C16orf95: variants seen among roughly 807,000 people sequenced by gnomAD.
C16orf95 encodes the protein chromosome 16 open reading frame 95.
Under a neutral mutation model 32.1 loss-of-function variants are expected in C16orf95, and 41 were observed. The observed-to-expected ratio is 1.28, with a 90% CI of 1.00 to 1.66. The LOEUF (loss-of-function observed/expected upper bound fraction) is 1.66. C16orf95 is among the 40% of genes most tolerant of loss of function. The pLI is 0.00. For synonymous variants in C16orf95, 147 were observed against 128.9 expected, an observed-to-expected ratio of 1.14 and a Z score of -0.95; for missense variants, 399 against 325.9, an observed-to-expected ratio of 1.22 and a Z score of -1.73.
At position 87,311,282 on chromosome 16, in the gene C16orf95, A is replaced by C. The variant is rs1014707885; in HGVS notation, c.345T>G (p.Val115=). 3 of 1,534,242 alleles carry C rather than the reference A, an allele frequency of 2.0e-6. No individual in the cohort carries two copies. Among genetic ancestry groups the C allele is most frequent in the African/African-American group, 1.4e-5 (1 of 73,024 alleles). The change falls in exon 4 of 7, where the codon GTT becomes GTG. Residue 115 remains valine, a synonymous_variant. Coordinates refer to ENST00000567970, the MANE Select transcript of C16orf95 (RefSeq NM_001195124.3). ...LRPRKQSQKT[V]QFPIPQTAKM... ...TGGCGGTTTGGGGGATAGGAAATTG[A>C]ACCGTCTTTTGACTCTAACAGAGAG...
Position 87,305,989 on chromosome 16 carries a change from G to C in C16orf95, c.515-84C>G, listed in dbSNP as rs1451681720. ...CGAGGAGGCTGCAACACCAGCCCCA[G>C]AGCCTCCGGGAAATGGGGACTTCCA... On this transcript the variant is annotated intron_variant, in intron 5 of 6. Coordinates refer to ENST00000567970, the MANE Select transcript of C16orf95 (RefSeq NM_001195124.3). The surrounding 1 kb of genome is among the most constrained non-coding windows in gnomAD (Gnocchi z 4.2). 9.1e-7 allele frequency: 1 copy of C among 1,096,668 alleles called. No homozygotes were observed. Among genetic ancestry groups the C allele is most frequent in the African/African-American group, 1.7e-5 (1 of 60,350 alleles). The allele number at this position is 1,096,668 out of a possible 1,614,324, so 67.9% of individuals were successfully genotyped here. A position where few individuals can be genotyped will look rare whatever the true frequency, so the allele number is the denominator to read the frequency against.
chr16:87,311,027 C>T (rs1165433310), intron 4 of C16orf95, 123 bp downstream of exon 4: 1 of 963,740 alleles, frequency 1.0e-6, no homozygotes, highest in African/African-American at 1.6e-5. Context: ...CTCTGGACAC[C>T]AGCAGAGGCC....
Position 87,305,193 on chromosome 16 carries a change from T to G in C16orf95, c.701+526A>C, listed in dbSNP as rs2150646067. ...AGGTATCCCAGCAGAAAGCCATGGC[T>G]GTGGGCAGCAAGGGTGCCAGGGGCG... On this transcript the variant is annotated intron_variant, in intron 6 of 6. Transcript: ENST00000567970. This position sits in a 1 kb window ranked among gnomAD's most constrained non-coding sequence, Gnocchi z 4.2. 6.6e-6 allele frequency among the ~76,000 whole-genome samples: 1 copy of G among 152,214 alleles called. No homozygotes were observed. Among genetic ancestry groups the G allele is most frequent in the Non-Finnish European group, 1.5e-5 (1 of 68,010 alleles).
At chr16:87,304,868 C>T (rs544559589) in intron 6 of C16orf95, among the ~76,000 whole-genome samples, 46 of 152,258 alleles carry the variant, frequency 3.0e-4, no homozygotes, top group Non-Finnish European at 6.2e-4. Context: ...TACCTGCAGA[C>T]GCTGCACATT....
chr16:87,311,256 T>C lies in C16orf95; in HGVS notation c.371A>G (p.Lys124Arg). Reference sequence around the variant, plus strand: ...GCGGTGGCATAGGCAGGGGCACATCTTGGCGGTTTGGGGGATAGGAAATTG... The same window carrying C: ...GCGGTGGCATAGGCAGGGGCACATCCTGGCGGTTTGGGGGATAGGAAATTG... Reference protein sequence around the residue: ...TVQFPIPQTAKMCPCLCHRFG... With the variant: ...TVQFPIPQTARMCPCLCHRFG... Residue 124 changes from lysine (K) to arginine (R), a missense_variant, in exon 4 of 7, where the codon AAG (lysine) becomes AGG (arginine). Lys to Arg is a conservative substitution (Grantham distance 26). Transcript: ENST00000567970. 2 of 1,535,666 alleles carry C rather than the reference T, an allele frequency of 1.3e-6. No homozygotes were observed. Among genetic ancestry groups the C allele is most frequent in the Non-Finnish European group, 1.7e-6 (2 of 1,146,560 alleles).
chr16:87,303,221 G>A (rs1369127548), intron 6 of C16orf95, 146 bp from the exon 7 acceptor site: 4 of 792,436 alleles, frequency 5.0e-6, no homozygotes, highest in African/African-American at 3.4e-5. Flanking sequence ...GGCAGGGAAG[G>A]GGTGCAGGGA....
intron 5 of C16orf95, among the ~76,000 whole-genome samples, chr16:87,309,372 CTTTTTTT>C (rs10551847): frequency 7.4e-4 from 64 of 86,018 alleles, no homozygotes; most frequent in East Asian, 2.4e-3. Flanking sequence ...TCTTTCTTTT[CTTTTTTT>C]TTTTTTTTTT....
chr16:87,306,636 T>C lies in C16orf95; in HGVS notation c.515-731A>G, dbSNP rs186269429. ...AGAAATGTGGACTTTCTCATTAAAA[T>C]GGAAACCAGTCAGATTTGCAGCCAA... On this transcript the variant is annotated intron_variant, in intron 5 of 6. Coordinates refer to ENST00000567970, the MANE Select transcript of C16orf95 (RefSeq NM_001195124.3). Among the ~76,000 whole-genome samples, 10 of 152,332 alleles carry C rather than the reference T, an allele frequency of 6.6e-5. No individual in the cohort carries two copies. The East Asian group carries it at 1.7e-3, about 26-fold the overall frequency.
At chr16:87,308,927 G>A (rs1483906569) in intron 5 of C16orf95, among the ~76,000 whole-genome samples, 4 of 152,164 alleles carry the variant, frequency 2.6e-5, no homozygotes. Context: ...TGTTTCTGCT[G>A]GTAATCATCA....
At chr16:87,308,421 T>C (rs931882034) in intron 5 of C16orf95, among the ~76,000 whole-genome samples, 3 of 151,990 alleles carry the variant, frequency 2.0e-5, no homozygotes, top group African/African-American at 7.3e-5. Context: ...GCGGAAGTTG[T>C]GGTGAGCCGA....
intron 5 of C16orf95, among the ~76,000 whole-genome samples, chr16:87,306,503 A>G (rs1390005376): frequency 6.6e-6 from 1 of 151,998 alleles, no homozygotes; most frequent in East Asian, 1.9e-4. Flanking sequence ...TACATTAATT[A>G]TATTAATGTA....
chr16:87,304,768 C>T (rs1910936211), intron 6 of C16orf95, among the ~76,000 whole-genome samples: 2 of 152,234 alleles, frequency 1.3e-5, no homozygotes, highest in Non-Finnish European at 2.9e-5. Context: ...GAGAGCCTCC[C>T]GCTCCCGCTC....
At chr16:87,310,861 C>T (rs1332592558) in intron 4 of C16orf95, among the ~76,000 whole-genome samples, 1 of 152,110 alleles carries the variant, frequency 6.6e-6, no homozygotes, top group African/African-American at 2.4e-5. Flanking sequence ...AGGAAAGCAG[C>T]AGCAGCAGCA....
At chr16:87,310,462 T>C in intron 4 of C16orf95, 129 bp from the exon 5 acceptor site, 1 of 865,888 alleles carries the variant, frequency 1.2e-6, no homozygotes, top group East Asian at 2.6e-5. Context: ...GGCTCCTCCT[T>C]ATGAGGTCTG....
intron 6 of C16orf95, among the ~76,000 whole-genome samples, chr16:87,304,613 C>T (rs1910928631): frequency 6.6e-6 from 1 of 152,242 alleles, no homozygotes; most frequent in Non-Finnish European, 1.5e-5. Context: ...TCCTGGCCCC[C>T]TTCCCAGTGC....
At chr16:87,304,784 C>T (rs1256683217) in intron 6 of C16orf95, among the ~76,000 whole-genome samples, 4 of 152,224 alleles carry the variant, frequency 2.6e-5, no homozygotes, top group African/African-American at 4.8e-5. Context: ...CGCTCCCAGC[C>T]GTGGCAGAGT....
chr16:87,305,782 C>A lies in C16orf95; in HGVS notation c.638G>T (p.Arg213Leu). The A allele has an allele frequency of 6.6e-7, 1 of 1,517,320 alleles. No individual in the cohort carries two copies. Among genetic ancestry groups the A allele is most frequent in the Admixed American group, 2.0e-5 (1 of 49,142 alleles). The allele number at this position is 1,517,320 out of a possible 1,614,324, so 94.0% of individuals were successfully genotyped here. The change falls in exon 6 of 7, where the codon CGT becomes CTT. Residue 213 changes from arginine to leucine, a missense_variant. Arg to Leu is a moderately radical substitution (Grantham distance 102, BLOSUM62 -2). Transcript: ENST00000567970. This position sits in a 1 kb window ranked among gnomAD's most constrained non-coding sequence, Gnocchi z 4.2. ...YQDQLPAPAA[R>L]LLPLGLLTLL... ...GGTCAGGAGGCCGAGGGGCAGCAGA[C>A]GCGCTGCAGGAGCCGGTAGCTGGTC...
At chr16:87,311,344 G>A in intron 3 of C16orf95, 48 bp from the exon 4 acceptor site, 1 of 1,470,416 alleles carries the variant, frequency 6.8e-7, no homozygotes, top group South Asian at 1.3e-5. Flanking sequence ...ATGGAGCCAT[G>A]CCTGTCCCCA....
intron 5 of C16orf95, among the ~76,000 whole-genome samples, chr16:87,306,477 C>T (rs1190639129): frequency 6.6e-6 from 1 of 152,000 alleles, no homozygotes; most frequent in Non-Finnish European, 1.5e-5. Flanking sequence ...TGTTAATATG[C>T]TACTAATATA....
Sources: gnomAD v4.1 joint callset for allele counts (sites outside exome capture counted in the v4.1 genomes callset) on GRCh38, gnomAD v4.1.1 for gene constraint, Gnocchi (gnomAD v3.1) non-coding constraint, MANE v1.5 for transcripts, NCBI Gene and HGNC (gene_info 2026-07-23, HGNC 2026-07-21) for gene names.